TMEM196: variants seen among roughly 807,000 people sequenced by gnomAD.
TMEM196 encodes transmembrane protein 196.
A neutral mutation model predicts 20.0 loss-of-function variants in TMEM196; 17 were observed. The ratio of observed to expected loss-of-function variants is 0.85; its 90% CI spans 0.58 to 1.27. The LOEUF (loss-of-function observed/expected upper bound fraction) is 1.27, where lower values mean the gene tolerates loss of function less well. Ranked by LOEUF, TMEM196 falls within the 50% of genes most tolerant of loss-of-function variation. The pLI is 0.00. For synonymous variants in TMEM196, 113 were observed against 88.9 expected (o/e 1.27, Z -1.52); for missense variants, 267 against 223.0 (o/e 1.20, Z -1.26).
chr7:19,729,353 T>G, intron 2 of TMEM196, 29 bp downstream of exon 2: 1 of 1,546,438 alleles, frequency 6.5e-7, no homozygotes, highest in Non-Finnish European at 8.7e-7. Context: ...TACACCTCAA[T>G]GCACAATACA....
At chr7:19,748,263 CAAAAAAAAAAAAAAA>C (rs57276805) in intron 1 of TMEM196, among the ~76,000 whole-genome samples, 15 of 20,780 alleles carry the variant, frequency 7.2e-4, no homozygotes, top group African/African-American at 1.2e-3. Flanking sequence ...TGTGGCTGTC[CAAAAAAAAAAAAAAA>C]AAAAAAAAAA....
chr7:19,726,916 C>T (rs529237991), intron 2 of TMEM196, among the ~76,000 whole-genome samples: 1 of 152,112 alleles, frequency 6.6e-6, no homozygotes, highest in South Asian at 2.1e-4. Context: ...GTTACTCATT[C>T]CCACATCAGT....
intron 1 of TMEM196, among the ~76,000 whole-genome samples, chr7:19,758,726 T>G (rs2128035879): frequency 6.6e-6 from 1 of 152,324 alleles, no homozygotes; most frequent in Non-Finnish European, 1.5e-5. Context: ...GTACTCAGAA[T>G]TCTATCCCTT....
chr7:19,737,415 C>G (rs1784446279), intron 1 of TMEM196, among the ~76,000 whole-genome samples: 1 of 151,914 alleles, frequency 6.6e-6, no homozygotes, highest in Admixed American at 6.6e-5. Flanking sequence ...CAGTTTCTTA[C>G]AAAGCTAAAC....
At chr7:19,759,237 T>A (rs1246691056) in intron 1 of TMEM196, among the ~76,000 whole-genome samples, 1 of 152,202 alleles carries the variant, frequency 6.6e-6, no homozygotes, top group Non-Finnish European at 1.5e-5. Context: ...TCAGCTACTC[T>A]TGCAAAAGCA....
At chr7:19,743,906 T>A (rs1472733729) in intron 1 of TMEM196, among the ~76,000 whole-genome samples, 1 of 152,168 alleles carries the variant, frequency 6.6e-6, no homozygotes, top group African/African-American at 2.4e-5. Context: ...CATTTCTCAT[T>A]GTCTCAAAAA....
intron 1 of TMEM196, among the ~76,000 whole-genome samples, chr7:19,769,143 T>C (rs936641933): frequency 6.6e-5 from 10 of 152,108 alleles, no homozygotes; most frequent in African/African-American, 2.4e-4. Context: ...AATCAAAATA[T>C]AGTTTGATTG....
rs1554299473 is a variant in TMEM196 at position 19,748,285 on chromosome 7, A to AAAC, written c.148-18848_148-18847insGTT. Among the ~76,000 whole-genome samples the AAAC allele has an allele frequency of 1.5e-3, 209 of 143,260 alleles. 9 individuals are homozygous for AAAC. Among genetic ancestry groups the AAAC allele is most frequent in the African/African-American group, 5.8e-3 (197 of 34,144 alleles). 94.0% of individuals were successfully genotyped at this position (143,260 alleles called of 152,430 possible). ...GTCCAAAAAAAAAAAAAAAAAAAAA[A>AAAC]AAAAAACAGTGTAATGACAGAACTT... On this transcript the variant is annotated intron_variant, in intron 1 of 4. Coordinates refer to ENST00000405844, the MANE Select transcript of TMEM196 (RefSeq NM_001363562.2).
chr7:19,736,545 G>C (rs1362901792), intron 1 of TMEM196, among the ~76,000 whole-genome samples: 1 of 151,484 alleles, frequency 6.6e-6, no homozygotes, highest in Non-Finnish European at 1.5e-5. Context: ...GTAGGACTCA[G>C]ACATCATTAT....
intron 1 of TMEM196, among the ~76,000 whole-genome samples, chr7:19,762,027 A>G (rs1785455967): frequency 6.6e-6 from 1 of 152,136 alleles, no homozygotes; most frequent in Non-Finnish European, 1.5e-5. Context: ...TTATCTCTTG[A>G]ATATTTTGAG....
chr7:19,748,285 A>AAAAAAAAAAAAC (rs1784838081), intron 1 of TMEM196, among the ~76,000 whole-genome samples: 1 of 143,172 alleles, frequency 7.0e-6, no homozygotes, highest in African/African-American at 2.9e-5. Flanking sequence ...AAAAAAAAAA[A>AAAAAAAAAAAAC]AAAAAACAGT....
chr7:19,761,973 C>T (rs1013801212), intron 1 of TMEM196, among the ~76,000 whole-genome samples: 2 of 152,228 alleles, frequency 1.3e-5, no homozygotes, highest in Admixed American at 1.3e-4. Flanking sequence ...GCATTGTGTT[C>T]TGTTCCAATT....
At chr7:19,733,159 C>A (rs566805981) in intron 1 of TMEM196, among the ~76,000 whole-genome samples, 1 of 152,222 alleles carries the variant, frequency 6.6e-6, no homozygotes, top group African/African-American at 2.4e-5. Flanking sequence ...TCATTTGATT[C>A]CAATTTAGAT....
intron 1 of TMEM196, among the ~76,000 whole-genome samples, chr7:19,739,551 A>G (rs1562614234): frequency 6.6e-6 from 1 of 152,108 alleles, no homozygotes; most frequent in Non-Finnish European, 1.5e-5. Context: ...CAAAGAGTGA[A>G]CCCTCAACAG....
rs1271298857 is a variant in TMEM196, at chr7:19,720,094, G to A, written c.*2034C>T. 1 of 152,076 alleles carries A rather than the reference G, an allele frequency of 6.6e-6. No homozygotes were observed. The highest frequency in any genetic ancestry group is 1.5e-5 in the Non-Finnish European group (1 of 67,928). The allele number at this position is 152,076 out of a possible 1,614,324, so 9.4% of individuals were successfully genotyped here. A position where few individuals can be genotyped will look rare whatever the true frequency, so the allele number is the denominator to read the frequency against. ...ATACACACACAAATATCTTCATGAT[G>A]TAATTTAGATTTTCATTGGCAAAGA... On this transcript the variant is annotated 3_prime_UTR_variant, in exon 5 of 5. Transcript: ENST00000405844.
At chr7:19,723,306 GT>G (rs990727058) in intron 4 of TMEM196, among the ~76,000 whole-genome samples, 20 of 151,188 alleles carry the variant, frequency 1.3e-4, no homozygotes, top group African/African-American at 4.9e-4. Flanking sequence ...TACTTTTCCT[GT>G]TTTACCTACT....
At chr7:19,729,464 C>T (rs1784121171) in intron 1 of TMEM196, 26 bp from the exon 2 acceptor site, 3 of 1,547,694 alleles carry the variant, frequency 1.9e-6, no homozygotes, top group South Asian at 1.2e-5. Context: ...AGAACAATTA[C>T]TCCTTATCCA....
At chr7:19,723,748 A>G (rs372033277) in intron 4 of TMEM196, among the ~76,000 whole-genome samples, 3 of 152,330 alleles carry the variant, frequency 2.0e-5, no homozygotes, top group South Asian at 2.1e-4. Flanking sequence ...GAGCAAACCA[A>G]GAACCATTAC....
At chr7:19,751,117 T>G (rs779719403) in intron 1 of TMEM196, among the ~76,000 whole-genome samples, 2 of 152,170 alleles carry the variant, frequency 1.3e-5, no homozygotes, top group Non-Finnish European at 2.9e-5. Context: ...CACTAAACCA[T>G]GTGAAGAAGA....
Sources: allele counts gnomAD v4.1 joint callset (sites outside exome capture counted in the v4.1 genomes callset), GRCh38; gene constraint gnomAD v4.1.1; transcripts MANE v1.5; gene names NCBI Gene and HGNC (gene_info 2026-07-23, HGNC 2026-07-21).